ZBTB7C: variants seen among roughly 807,000 people sequenced by gnomAD.
ZBTB7C encodes zinc finger and BTB domain-containing protein 7C.
A neutral mutation model predicts 25.7 loss-of-function variants in ZBTB7C; 8 were observed. The ratio of observed to expected loss-of-function variants is 0.31; its 90% CI spans 0.18 to 0.56. The LOEUF (loss-of-function observed/expected upper bound fraction) is 0.56. ZBTB7C is among the 20% of genes least tolerant of loss of function. The pLI is 0.91. For synonymous variants in ZBTB7C, 394 were observed against 369.0 expected (o/e 1.07, Z -0.78); for missense variants, 824 against 855.2 (o/e 0.96, Z 0.46).
At chr18:48,097,436 G>A (rs991732460) in intron 3 of ZBTB7C, among the ~76,000 whole-genome samples, 3 of 150,622 alleles carry the variant, frequency 2.0e-5, no homozygotes, top group Non-Finnish European at 3.0e-5. Flanking sequence ...TTGCTCTGTC[G>A]CCCAGGCTGG....
At chr18:48,092,255 G>A (rs964965760) in intron 3 of ZBTB7C, among the ~76,000 whole-genome samples, 21 of 152,296 alleles carry the variant, frequency 1.4e-4, no homozygotes, top group Admixed American at 1.1e-3. Context: ...AACTTAACAC[G>A]TTGTGAACCC....
chr18:48,275,806 C>T lies in ZBTB7C; in HGVS notation c.-79+62368G>A, dbSNP rs572232178. ...CTTCTCTCAGCTCTTAATGACACCC[C>T]ATTTAAAATCAATGAAAAACAGAAG... On this transcript the variant is annotated intron_variant, in intron 2 of 4. Transcript: ENST00000590800. Among the ~76,000 whole-genome samples, 5 of 152,302 alleles carry T rather than the reference C, an allele frequency of 3.3e-5. No individual in the cohort carries two copies. The South Asian group carries it at 1.0e-3, about 32-fold the overall frequency.
At chr18:48,243,491 A>G (rs373463403) in intron 2 of ZBTB7C, among the ~76,000 whole-genome samples, 8 of 152,290 alleles carry the variant, frequency 5.3e-5, no homozygotes, top group African/African-American at 1.9e-4. Context: ...CTCTACAAGA[A>G]AAACTACAAA....
intron 1 of ZBTB7C, among the ~76,000 whole-genome samples, chr18:48,403,412 G>T (rs2048205763): frequency 6.6e-6 from 1 of 152,222 alleles, no homozygotes; most frequent in Non-Finnish European, 1.5e-5. Flanking sequence ...ATGAGAGTAT[G>T]TATGAACAAG....
chr18:48,159,057 G>T (rs1476642061), intron 3 of ZBTB7C, among the ~76,000 whole-genome samples: 1 of 151,994 alleles, frequency 6.6e-6, no homozygotes, highest in South Asian at 2.1e-4. Flanking sequence ...GAGGCGACAG[G>T]GGATGCAGAG....
At chr18:48,047,049 G>C (rs1309694953) in intron 3 of ZBTB7C, among the ~76,000 whole-genome samples, 1 of 152,166 alleles carries the variant, frequency 6.6e-6, no homozygotes, top group African/African-American at 2.4e-5. Context: ...TGTTTTTCCA[G>C]GCAGGAGACT....
chr18:48,050,950 GCCA>G (rs2036661777), intron 3 of ZBTB7C, among the ~76,000 whole-genome samples: 1 of 151,982 alleles, frequency 6.6e-6, no homozygotes, highest in African/African-American at 2.4e-5. Flanking sequence ...TGCCTATTTT[GCCA>G]ACGAGAAACC....
chr18:48,295,745 T>A (rs1432010281), intron 2 of ZBTB7C, among the ~76,000 whole-genome samples: 1 of 152,128 alleles, frequency 6.6e-6, no homozygotes, highest in Non-Finnish European at 1.5e-5. Flanking sequence ...AAACTCTAGG[T>A]GGCAGGCCTG....
rs540620408 is a variant in ZBTB7C, at chr18:48,255,539, GAGAA to G, written c.-78-69548_-78-69545del. Among the ~76,000 whole-genome samples the G allele has an allele frequency of 2.6e-5, 4 of 152,308 alleles. No individual in the cohort carries two copies. In the East Asian group the frequency reaches 5.8e-4, roughly 22 times the overall value. ...TATCTGACCTTCCAAGAAATTAAGA[GAGAA>G]AGAGAGATATAATAGTCAAATCTCT... is the stretch of plus-strand genomic sequence containing the variant. On this transcript the variant is annotated intron_variant, in intron 2 of 4. Coordinates refer to ENST00000590800, the MANE Select transcript of ZBTB7C (RefSeq NM_001318841.2).
At chr18:48,215,782 C>T (rs2042809408) in intron 2 of ZBTB7C, among the ~76,000 whole-genome samples, 1 of 152,180 alleles carries the variant, frequency 6.6e-6, no homozygotes, top group Non-Finnish European at 1.5e-5. Flanking sequence ...GGATTTTCTA[C>T]AGAATGTAAA....
At chr18:48,103,251 G>A (rs751698498) in intron 3 of ZBTB7C, among the ~76,000 whole-genome samples, 17 of 151,738 alleles carry the variant, frequency 1.1e-4, no homozygotes, top group Middle Eastern at 6.8e-3. Flanking sequence ...AAAATGAGAC[G>A]TCAGGTTTGA....
intron 3 of ZBTB7C, among the ~76,000 whole-genome samples, chr18:48,097,382 GTTA>G (rs1555691088): frequency 0.013 from 1,819 of 144,956 alleles, 11 homozygotes; most frequent in African/African-American, 0.026. Context: ...TATTGTTGTT[GTTA>G]TTATTATTAT....
In ZBTB7C at chr18:48,064,513, C is replaced by T. The variant is rs374623297; in HGVS notation, c.-16-23390G>A. On this transcript the variant is annotated intron_variant, in intron 3 of 4. Coordinates refer to ENST00000590800, the MANE Select transcript of ZBTB7C (RefSeq NM_001318841.2). ...ATCCCAGCACTTTGGGAGGCCGAGG[C>T]GGGTGGATTACTTGAGTTTAGGAGT... is the stretch of plus-strand genomic sequence containing the variant. Among the ~76,000 whole-genome samples, 36 of 152,302 alleles carry T rather than the reference C, an allele frequency of 2.4e-4. No individual in the cohort carries two copies. In the East Asian group the frequency reaches 4.0e-3, roughly 17 times the overall value.
At chr18:48,216,988 G>T (rs562555480) in intron 2 of ZBTB7C, among the ~76,000 whole-genome samples, 7 of 152,126 alleles carry the variant, frequency 4.6e-5, no homozygotes, top group Non-Finnish European at 1.0e-4. Flanking sequence ...ACCAGCATGC[G>T]CAGGAAGGCC....
At chr18:48,310,011 C>T (rs552836394) in intron 2 of ZBTB7C, among the ~76,000 whole-genome samples, 125 of 152,242 alleles carry the variant, frequency 8.2e-4, no homozygotes, top group Non-Finnish European at 8.1e-4. Flanking sequence ...AGGTGGATCA[C>T]GGGGTCAGGA....
At chr18:48,197,494 G>A (rs976895352) in intron 2 of ZBTB7C, among the ~76,000 whole-genome samples, 1 of 152,172 alleles carries the variant, frequency 6.6e-6, no homozygotes, top group Non-Finnish European at 1.5e-5. Context: ...GTTCTTCACT[G>A]ACATATTTTT....
intron 3 of ZBTB7C, among the ~76,000 whole-genome samples, chr18:48,165,743 A>G (rs1049284909): frequency 6.6e-6 from 1 of 152,206 alleles, no homozygotes; most frequent in African/African-American, 2.4e-5. Context: ...CTTAATAGGA[A>G]TGGGGAACTT....
intron 2 of ZBTB7C, among the ~76,000 whole-genome samples, chr18:48,267,819 C>A (rs149307072): frequency 6.6e-6 from 1 of 152,192 alleles, no homozygotes; most frequent in Non-Finnish European, 1.5e-5. Flanking sequence ...TGTAAGCCAG[C>A]GTGCAGCCCC....
intron 3 of ZBTB7C, among the ~76,000 whole-genome samples, chr18:48,119,079 C>T (rs910185153): frequency 2.7e-4 from 41 of 152,294 alleles, no homozygotes; most frequent in African/African-American, 8.7e-4. Flanking sequence ...ACAAAGATCA[C>T]TGTGTCCCAT....
Sources: allele counts gnomAD v4.1 joint callset (sites outside exome capture counted in the v4.1 genomes callset), GRCh38; gene constraint gnomAD v4.1.1; transcripts MANE v1.5; gene names NCBI Gene and HGNC (gene_info 2026-07-23, HGNC 2026-07-21).